The following LNPK variants were observed in gnomAD, a reference collection of about 807,000 sequenced individuals.
LNPK encodes endoplasmic reticulum junction formation protein lunapark.
LNPK carries 29 observed loss-of-function variants against 55.2 expected under a neutral mutation model. The ratio of observed to expected loss-of-function variants is 0.53; its 90% CI spans 0.39 to 0.72. The LOEUF (loss-of-function observed/expected upper bound fraction) is 0.72, where lower values mean the gene tolerates loss of function less well. Among genes scored for constraint, LNPK ranks in the 30% least tolerant of loss-of-function variants. The probability of loss-of-function intolerance (pLI) is 0.00; values close to 1 mark genes in which losing one functional copy is unlikely to be tolerated. For synonymous variants in LNPK, 162 were observed against 168.2 expected, an observed-to-expected ratio of 0.96 and a Z score of 0.29; for missense variants, 467 against 494.8, an observed-to-expected ratio of 0.94 and a Z score of 0.53.
chr2:175,942,663 T>C (rs1684909861), intron 9 of LNPK, among the ~76,000 whole-genome samples: 1 of 151,754 alleles, frequency 6.6e-6, no homozygotes, highest in African/African-American at 2.4e-5. Context: ...ATTTATAATA[T>C]GCAGCTAAAG....
chr2:175,961,961 A>T (rs1468482955), intron 8 of LNPK, among the ~76,000 whole-genome samples: 1 of 152,226 alleles, frequency 6.6e-6, no homozygotes, highest in Admixed American at 6.5e-5. Context: ...CAATTGCTTC[A>T]AAGAGAATAA....
chr2:175,943,736 A>C (rs1048510051), intron 9 of LNPK, among the ~76,000 whole-genome samples: 3 of 152,132 alleles, frequency 2.0e-5, no homozygotes, highest in Admixed American at 2.0e-4. Context: ...CTGATTTAAA[A>C]GAAAACCTTC....
intron 4 of LNPK, among the ~76,000 whole-genome samples, chr2:175,989,387 A>G (rs946738087): frequency 2.6e-5 from 4 of 152,188 alleles, no homozygotes; most frequent in African/African-American, 9.7e-5. Context: ...CTAACTCCTC[A>G]ATATCTTATG....
At chr2:175,949,866 T>C (rs1685316652) in intron 8 of LNPK, among the ~76,000 whole-genome samples, 1 of 152,100 alleles carries the variant, frequency 6.6e-6, no homozygotes, top group Non-Finnish European at 1.5e-5. Context: ...TCTGTATTTG[T>C]CAAACTATTA....
chr2:175,973,132 C>T (rs1686737984), intron 5 of LNPK, among the ~76,000 whole-genome samples: 1 of 152,150 alleles, frequency 6.6e-6, no homozygotes, highest in Non-Finnish European at 1.5e-5. Flanking sequence ...CATTGTTTTG[C>T]CTTGCAATCT....
intron 4 of LNPK, among the ~76,000 whole-genome samples, chr2:175,990,230 A>G (rs1687640363): frequency 1.3e-5 from 2 of 152,188 alleles, no homozygotes; most frequent in African/African-American, 4.8e-5. Flanking sequence ...GATCTCATGA[A>G]CAGATGAATG....
chr2:175,972,657 T>C (rs1482427943), intron 5 of LNPK, among the ~76,000 whole-genome samples: 6 of 152,352 alleles, frequency 3.9e-5, no homozygotes, highest in African/African-American at 1.4e-4. Context: ...AATCCATTAA[T>C]GCTGATCTGT....
chr2:175,932,064 C>A, intron 12 of LNPK: 1 of 399,662 alleles, frequency 2.5e-6, no homozygotes, highest in South Asian at 1.8e-5. Flanking sequence ...AAACAAAAAG[C>A]TAAGAATCCA....
chr2:175,961,756 T>A (rs1489792786), intron 8 of LNPK, among the ~76,000 whole-genome samples: 1 of 152,114 alleles, frequency 6.6e-6, no homozygotes, highest in African/African-American at 2.4e-5. Flanking sequence ...AAAGAGGAAG[T>A]CAAATTGTCC....
chr2:175,976,141 C>G (rs1367239306), intron 5 of LNPK, among the ~76,000 whole-genome samples: 22 of 152,134 alleles, frequency 1.4e-4, no homozygotes, highest in Admixed American at 1.4e-3. Flanking sequence ...GAAATAGGAA[C>G]AAGCTAGAAA....
chr2:175,966,028 G>A (rs1004389301), intron 6 of LNPK, among the ~76,000 whole-genome samples: 1 of 152,136 alleles, frequency 6.6e-6, no homozygotes, highest in African/African-American at 2.4e-5. Flanking sequence ...CACTTAAAAT[G>A]TTGCTTGTGC....
intron 9 of LNPK, among the ~76,000 whole-genome samples, chr2:175,945,267 T>C (rs1297812407): frequency 6.7e-6 from 1 of 149,354 alleles, no homozygotes; most frequent in African/African-American, 2.4e-5. Flanking sequence ...CCCGGCACTT[T>C]GGGAGACCAA....
Position 175,930,001 on chromosome 2 carries a change from G to A in LNPK, c.1253C>T (p.Pro418Leu), listed in dbSNP as rs142985661. Residue 418 changes from proline to leucine, a missense_variant, in exon 13 of 13, where the codon CCT becomes CTT. Physicochemically the swap from Pro to Leu is moderately conservative, Grantham distance 98. Transcript: ENST00000272748. ...TVPGADSIPD[P>L]ELSGESLTAE ...CGTCAAAGATTCTCCACTTAGTTCA[G>A]GATCAGGAATAGAATCAGCTCCAGG... 8.1e-6 allele frequency: 13 copies of A among 1,613,856 alleles called. No individual in the cohort carries two copies. The African/African-American group carries it at 1.6e-4, about 20-fold the overall frequency.
Position 175,925,806 on chromosome 2 carries a change from A to C in LNPK, c.*4161T>G, listed in dbSNP as rs77994210. On this transcript the variant is annotated 3_prime_UTR_variant, in exon 13 of 13. Transcript: ENST00000272748. ...CAGGCTCCTGAGTAGCTAGGATTAC[A>C]GGCATGCACCACCACGCCTGGCTAA... 6.6e-6 allele frequency: 1 copy of C among 152,234 alleles called. No individual in the cohort carries two copies. The highest frequency in any genetic ancestry group is 1.5e-5 in the Non-Finnish European group (1 of 68,274). 9.4% of individuals were successfully genotyped at this position (152,234 alleles called of 1,614,324 possible).
chr2:175,938,437 G>GCAA, intron 10 of LNPK, 54 bp from the exon 11 acceptor site: 1 of 950,136 alleles, frequency 1.1e-6, no homozygotes, highest in Non-Finnish European at 1.6e-6. Flanking sequence ...CAAAGCTCAT[G>GCAA]ACAGAGACTA....
At chr2:175,972,614 T>C (rs1279909655) in intron 5 of LNPK, among the ~76,000 whole-genome samples, 1 of 152,194 alleles carries the variant, frequency 6.6e-6, no homozygotes, top group Non-Finnish European at 1.5e-5. Context: ...CAAAGCTAAG[T>C]GTTCTCTATC....
chr2:175,982,686 T>C (rs943619207), intron 4 of LNPK, among the ~76,000 whole-genome samples: 4 of 152,188 alleles, frequency 2.6e-5, no homozygotes, highest in African/African-American at 9.7e-5. Flanking sequence ...TAAACCATCA[T>C]GCCTAGCCCT....
intron 5 of LNPK, 129 bp from the exon 6 acceptor site, chr2:175,970,933 T>C: frequency 1.3e-6 from 1 of 741,696 alleles, no homozygotes. Flanking sequence ...AACTGATGTG[T>C]AGAGACAAAA....
chr2:175,949,976 C>A (rs1685320870), intron 8 of LNPK, among the ~76,000 whole-genome samples: 2 of 151,990 alleles, frequency 1.3e-5, no homozygotes, highest in African/African-American at 4.8e-5. Flanking sequence ...TAAAAAGTTT[C>A]CAGTACTCAA....
Sources: gnomAD v4.1 joint callset for allele counts (sites outside exome capture counted in the v4.1 genomes callset) on GRCh38, gnomAD v4.1.1 for gene constraint, MANE v1.5 for transcripts, NCBI Gene and HGNC (gene_info 2026-07-23, HGNC 2026-07-21) for gene names.